The following DENND5A variants were observed in gnomAD, a reference collection of about 807,000 sequenced individuals.
DENND5A encodes DENN domain containing 5A.
In DENND5A, 64 loss-of-function variants were observed where a neutral mutation model predicts 140.3. The ratio of observed to expected loss-of-function variants is 0.46; its 90% CI spans 0.37 to 0.56. The LOEUF is 0.56. DENND5A is among the 20% of genes least tolerant of loss of function. The pLI is 0.00. For missense variants in DENND5A, 1,292 were observed against 1,593.8 expected, an observed-to-expected ratio of 0.81 and a Z score of 3.22; for synonymous variants, 605 against 607.7, an observed-to-expected ratio of 1.00 and a Z score of 0.07.
At chr11:9,177,503 T>A (rs1848584883) in intron 8 of DENND5A, among the ~76,000 whole-genome samples, 1 of 149,792 alleles carries the variant, frequency 6.7e-6, no homozygotes, top group South Asian at 2.1e-4. Context: ...AAAAATTTTT[T>A]AATTAGCCAG....
intron 1 of DENND5A, among the ~76,000 whole-genome samples, chr11:9,249,295 A>C (rs1851614808): frequency 6.6e-6 from 1 of 151,868 alleles, no homozygotes; most frequent in Admixed American, 6.6e-5. Flanking sequence ...TGTTGTAACG[A>C]AAAAGCATGT....
intron 1 of DENND5A, among the ~76,000 whole-genome samples, chr11:9,218,635 G>A (rs867395438): frequency 3.3e-5 from 5 of 152,062 alleles, no homozygotes; most frequent in Non-Finnish European, 4.4e-5. Context: ...GCTAGAGCCC[G>A]GGAGATGAAG....
intron 3 of DENND5A, among the ~76,000 whole-genome samples, chr11:9,205,235 A>G (rs1849655865): frequency 6.6e-6 from 1 of 152,170 alleles, no homozygotes; most frequent in Non-Finnish European, 1.5e-5. Context: ...ACTCTAATTC[A>G]GAGGGGTTAT....
chr11:9,223,629 G>A (rs1850408079), intron 1 of DENND5A, among the ~76,000 whole-genome samples: 1 of 152,096 alleles, frequency 6.6e-6, no homozygotes, highest in Admixed American at 6.6e-5. Flanking sequence ...TGAGGTGGGA[G>A]GATTGCTCGA....
At chr11:9,236,057 A>G (rs1850986284) in intron 1 of DENND5A, among the ~76,000 whole-genome samples, 2 of 152,030 alleles carry the variant, frequency 1.3e-5, no homozygotes, top group African/African-American at 4.8e-5. Flanking sequence ...CCTAAGCAAC[A>G]AGGTGAGAAT....
chr11:9,167,475 TAAA>T (rs547949319), intron 10 of DENND5A, among the ~76,000 whole-genome samples: 3 of 119,444 alleles, frequency 2.5e-5, no homozygotes, highest in Non-Finnish European at 1.7e-5. Context: ...GATGAAAGAT[TAAA>T]AAAAAAAAAA....
rs767513507 is a variant in DENND5A, at chr11:9,178,174, G to A, written c.1864C>T (p.Arg622Cys). ...GTACACTTCTGGTACATGGATGTAC[G>A]GAGAGTAGGTGTCCGAACATTCAAC... ...RLLNVRTPTLRTSMYQKCTTV... is the reference protein window; with the variant it reads ...RLLNVRTPTLCTSMYQKCTTV... The change falls in exon 8 of 23, where the codon CGT becomes TGT. Residue 622 changes from arginine (R) to cysteine (C), a missense_variant. By Grantham distance (180) the Arg-to-Cys change is radical. This residue lies in a region of DENND5A where 199 missense variants were observed against 189.1 expected (regional missense o/e 1.05). Transcript: ENST00000328194. 5.0e-6 allele frequency: 8 copies of A among 1,614,128 alleles called. No individual in the cohort carries two copies. The highest frequency in any genetic ancestry group is 2.2e-5 in the South Asian group (2 of 91,080).
chr11:9,185,077 G>C (rs765629106), intron 5 of DENND5A, among the ~76,000 whole-genome samples: 15 of 152,254 alleles, frequency 9.9e-5, no homozygotes, highest in Non-Finnish European at 2.1e-4. Context: ...TGTAATCCCA[G>C]CTACTTGGGA....
chr11:9,258,068 C>A (rs1852028976), intron 1 of DENND5A, among the ~76,000 whole-genome samples: 1 of 152,088 alleles, frequency 6.6e-6, no homozygotes, highest in African/African-American at 2.4e-5. Context: ...GCTGGGATTA[C>A]AAGCATGAGC....
In DENND5A at chr11:9,265,132, C is replaced by G. The variant is rs1265330418; in HGVS notation, c.-63G>C. 7 of 1,010,252 alleles carry G rather than the reference C, an allele frequency of 6.9e-6. No individual in the cohort carries two copies. Among genetic ancestry groups the G allele is most frequent in the Non-Finnish European group, 8.6e-6 (7 of 817,440 alleles). 62.6% of individuals were successfully genotyped at this position (1,010,252 alleles called of 1,614,324 possible). ...GCACCGAGCCCCCGCAACCCGGGCGCCCGCCCGTCCGCCCTCAGGCCGCCC... is the reference window on the plus strand; with the variant it reads ...GCACCGAGCCCCCGCAACCCGGGCGGCCGCCCGTCCGCCCTCAGGCCGCCC... On this transcript the variant is annotated 5_prime_UTR_variant, in exon 1 of 23. Transcript: ENST00000328194. The surrounding 1 kb of genome is among the most constrained non-coding windows in gnomAD (Gnocchi z 4.7).
intron 1 of DENND5A, among the ~76,000 whole-genome samples, chr11:9,210,430 T>C (rs1265074961): frequency 1.3e-5 from 2 of 152,234 alleles, no homozygotes; most frequent in Non-Finnish European, 2.9e-5. Context: ...TCCAAGGAAG[T>C]ACAGTTCAAA....
At chr11:9,195,020 C>CTT (rs574310334) in intron 4 of DENND5A, among the ~76,000 whole-genome samples, 7 of 119,120 alleles carry the variant, frequency 5.9e-5, no homozygotes, top group South Asian at 5.5e-4. Flanking sequence ...CCCAGCCAGC[C>CTT]TTTTTTTTTT....
chr11:9,152,062 A>G (rs950624190), intron 13 of DENND5A, among the ~76,000 whole-genome samples: 2 of 152,226 alleles, frequency 1.3e-5, no homozygotes, highest in African/African-American at 4.8e-5. Flanking sequence ...AGCCTGCTCC[A>G]AACCCAGGAC....
chr11:9,252,735 T>C (rs1851784793), intron 1 of DENND5A, among the ~76,000 whole-genome samples: 1 of 152,202 alleles, frequency 6.6e-6, no homozygotes, highest in African/African-American at 2.4e-5. Context: ...AGGCCATCTC[T>C]AGCAGGAACC....
rs191475329 is a variant in DENND5A, at chr11:9,223,501, T to C, written c.110-15869A>G. Among the ~76,000 whole-genome samples, 602 of 151,826 alleles carry C rather than the reference T, an allele frequency of 4.0e-3. 4 individuals are homozygous for C. The highest frequency in any genetic ancestry group is 0.013 in the African/African-American group (545 of 41,380). On this transcript the variant is annotated intron_variant, in intron 1 of 22. Coordinates refer to ENST00000328194, the MANE Select transcript of DENND5A (RefSeq NM_015213.4). ...GTTGCAGTGAGCCAAGATCTCACCATTGCACTCCAGCCTGGGCAACAGAGC... is the reference window on the plus strand; with the variant it reads ...GTTGCAGTGAGCCAAGATCTCACCACTGCACTCCAGCCTGGGCAACAGAGC...
chr11:9,237,684 G>A (rs977255775), intron 1 of DENND5A, among the ~76,000 whole-genome samples: 4 of 151,824 alleles, frequency 2.6e-5, no homozygotes, highest in Non-Finnish European at 4.4e-5. Flanking sequence ...TCAGGAGTTC[G>A]AGACCAGCCT....
intron 1 of DENND5A, among the ~76,000 whole-genome samples, chr11:9,244,040 G>A (rs1851360134): frequency 6.6e-6 from 1 of 152,192 alleles, no homozygotes; most frequent in Non-Finnish European, 1.5e-5. Context: ...GCAGTAGGCT[G>A]TTAGTAAAGT....
chr11:9,141,898 A>G, intron 22 of DENND5A, 42 bp downstream of exon 22: 1 of 1,514,782 alleles, frequency 6.6e-7, no homozygotes, highest in Non-Finnish European at 8.9e-7. Context: ...CACCACCACC[A>G]AGGCTAACCG....
At chr11:9,193,904 C>A (rs772227602) in intron 4 of DENND5A, among the ~76,000 whole-genome samples, 13 of 152,286 alleles carry the variant, frequency 8.5e-5, no homozygotes, top group Non-Finnish European at 1.5e-4. Context: ...ACACACAGGT[C>A]CTTGCTCATA....
Sources: gnomAD v4.1 joint callset for allele counts (sites outside exome capture counted in the v4.1 genomes callset) on GRCh38, gnomAD v4.1.1 for gene constraint, gnomAD v4.1.1 regional missense constraint, Gnocchi (gnomAD v3.1) non-coding constraint, MANE v1.5 for transcripts, NCBI Gene and HGNC (gene_info 2026-07-23, HGNC 2026-07-21) for gene names.